Variants in TTC28 observed in about 807,000 individuals in gnomAD.
The protein encoded by TTC28 is tetratricopeptide repeat domain 28.
TTC28 carries 61 observed loss-of-function variants against 198.0 expected under a neutral mutation model. That is an observed-to-expected ratio of 0.31 (90% CI 0.25 to 0.38). TTC28 has a LOEUF of 0.38. Among genes scored for constraint, TTC28 ranks in the 10% least tolerant of loss-of-function variants. The probability of loss-of-function intolerance (pLI) is 1.00; values close to 1 mark genes in which losing one functional copy is unlikely to be tolerated. For synonymous variants in TTC28, 1,171 were observed against 1,297.8 expected (o/e 0.90, Z 2.10); for missense variants, 2,678 against 3,164.0 (o/e 0.85, Z 3.69).
chr22:28,162,868 G>C (rs983497509), intron 6 of TTC28, among the ~76,000 whole-genome samples: 6 of 152,164 alleles, frequency 3.9e-5, no homozygotes, highest in Admixed American at 3.3e-4. Context: ...GAAGATCACT[G>C]CAGTGAGGTG....
At chr22:28,389,838 T>C (rs1167981891) in intron 2 of TTC28, among the ~76,000 whole-genome samples, 5 of 151,742 alleles carry the variant, frequency 3.3e-5, no homozygotes, top group Admixed American at 1.3e-4. Flanking sequence ...GTGTCTCTAT[T>C]ACCTTCAGTT....
intron 5 of TTC28, among the ~76,000 whole-genome samples, chr22:28,255,254 G>A (rs1466618575): frequency 2.0e-5 from 3 of 152,050 alleles, no homozygotes; most frequent in African/African-American, 4.8e-5. Context: ...CCCTGAAAGG[G>A]TGACATAATA....
chr22:28,224,645 A>G (rs1395446585), intron 5 of TTC28, among the ~76,000 whole-genome samples: 4 of 152,196 alleles, frequency 2.6e-5, no homozygotes, highest in African/African-American at 9.7e-5. Context: ...ACAGAGAAAC[A>G]GAAGTTTCTG....
chr22:28,129,100 C>T (rs1197097650), intron 6 of TTC28, among the ~76,000 whole-genome samples: 1 of 152,126 alleles, frequency 6.6e-6, no homozygotes, highest in Non-Finnish European at 1.5e-5. Flanking sequence ...GTAACAAGTA[C>T]CCAAATGCTT....
chr22:28,320,355 C>G (rs540605662), intron 2 of TTC28, among the ~76,000 whole-genome samples: 1 of 151,574 alleles, frequency 6.6e-6, no homozygotes, highest in East Asian at 1.9e-4. Context: ...AACCATTGCT[C>G]TAGGGGACTG....
At chr22:28,611,384 A>C (rs983653420) in intron 2 of TTC28, among the ~76,000 whole-genome samples, 72 of 152,236 alleles carry the variant, frequency 4.7e-4, no homozygotes, top group African/African-American at 1.6e-3. Context: ...AAACCCTACA[A>C]GCCAGAACAG....
chr22:28,567,882 A>T (rs1158286136), intron 2 of TTC28, among the ~76,000 whole-genome samples: 1 of 152,082 alleles, frequency 6.6e-6, no homozygotes, highest in African/African-American at 2.4e-5. Context: ...ATCCTAATTA[A>T]ACCCAATCAG....
chr22:28,228,635 G>A (rs1207660562), intron 5 of TTC28, among the ~76,000 whole-genome samples: 2 of 151,946 alleles, frequency 1.3e-5, no homozygotes, highest in East Asian at 3.9e-4. Context: ...GGGGGGCAGA[G>A]GTTGCAGTGA....
intron 12 of TTC28, among the ~76,000 whole-genome samples, chr22:28,045,907 T>C (rs1939844373): frequency 6.6e-6 from 1 of 152,264 alleles, no homozygotes; most frequent in Admixed American, 6.5e-5. Context: ...GAGCTGGAAG[T>C]TGCAGTGAGC....
rs965252508 is a variant in TTC28, at chr22:28,096,353, A to G, written c.3603T>C (p.Ala1201=). The G allele has an allele frequency of 3.2e-6, 5 of 1,551,942 alleles. No individual in the cohort carries two copies. In the African/African-American group the frequency reaches 6.8e-5, roughly 21 times the overall value. The stretch of plus-strand genomic sequence containing the variant: ...CTGTTTGTCGTTCCACCAGAAGATC[A>G]GCAAATGCCCTTGTCCGTCCCCTTT... ...VAERGRTRAF[A]DLLVERQTGQ... Residue 1201 remains alanine (A), a synonymous_variant, in exon 11 of 23, where the codon GCT becomes GCC. Transcript: ENST00000397906.
intron 6 of TTC28, among the ~76,000 whole-genome samples, chr22:28,141,955 T>C: frequency 6.6e-6 from 1 of 152,328 alleles, no homozygotes; most frequent in East Asian, 1.9e-4. Flanking sequence ...TTTGGTCATT[T>C]AAATAATTTT....
intron 5 of TTC28, among the ~76,000 whole-genome samples, chr22:28,218,278 G>A (rs760441388): frequency 6.6e-6 from 1 of 151,996 alleles, no homozygotes; most frequent in Non-Finnish European, 1.5e-5. Flanking sequence ...GTTCAGTAAG[G>A]CTACAGATCT....
At chr22:28,236,153 T>C (rs1214549490) in intron 5 of TTC28, among the ~76,000 whole-genome samples, 1 of 152,158 alleles carries the variant, frequency 6.6e-6, no homozygotes, top group Admixed American at 6.5e-5. Context: ...ACAATCCTAG[T>C]TCCGCAGCTA....
At chr22:28,190,282 T>C (rs1924610156) in intron 5 of TTC28, among the ~76,000 whole-genome samples, 1 of 152,136 alleles carries the variant, frequency 6.6e-6, no homozygotes, top group Non-Finnish European at 1.5e-5. Context: ...TTCACCACAA[T>C]TCTACACGAC....
chr22:28,641,682 G>T (rs962070285), intron 1 of TTC28, among the ~76,000 whole-genome samples: 11 of 152,004 alleles, frequency 7.2e-5, no homozygotes, highest in Admixed American at 4.6e-4. Flanking sequence ...CTCAATTAAA[G>T]AAATGAAAAC....
intron 5 of TTC28, among the ~76,000 whole-genome samples, chr22:28,235,027 G>A (rs891701146): frequency 1.3e-5 from 2 of 152,180 alleles, no homozygotes; most frequent in Non-Finnish European, 2.9e-5. Context: ...TATAATATTA[G>A]AAAAGGAAAG....
At chr22:28,082,542 T>C (rs777543610) in intron 12 of TTC28, among the ~76,000 whole-genome samples, 4 of 152,234 alleles carry the variant, frequency 2.6e-5, no homozygotes, top group Non-Finnish European at 5.9e-5. Flanking sequence ...TAATGTGGTG[T>C]ATTACGCTGA....
At chr22:28,547,266 G>A (rs2049565769) in intron 2 of TTC28, among the ~76,000 whole-genome samples, 1 of 152,040 alleles carries the variant, frequency 6.6e-6, no homozygotes, top group African/African-American at 2.4e-5. Context: ...GAACATGGCA[G>A]TAATGCTACA....
chr22:28,449,443 A>AT (rs11387422), intron 2 of TTC28, among the ~76,000 whole-genome samples: 61 of 152,308 alleles, frequency 4.0e-4, no homozygotes, highest in African/African-American at 1.4e-3. Flanking sequence ...ATATTTTAAC[A>AT]TTTTTTATTT....
Sources: allele counts gnomAD v4.1 joint callset (sites outside exome capture counted in the v4.1 genomes callset), GRCh38; gene constraint gnomAD v4.1.1; transcripts MANE v1.5; gene names NCBI Gene and HGNC (gene_info 2026-07-23, HGNC 2026-07-21).